YIPF6: variants seen among roughly 807,000 people sequenced by gnomAD.
YIPF6 encodes protein YIPF6.
A neutral mutation model predicts 16.8 loss-of-function variants in YIPF6; 3 were observed. The ratio of observed to expected loss-of-function variants is 0.18; its 90% CI spans 0.08 to 0.46. The LOEUF (loss-of-function observed/expected upper bound fraction) is 0.46, where lower values mean the gene tolerates loss of function less well. Ranked by LOEUF, YIPF6 falls within the 20% of genes least tolerant of loss-of-function variation. The pLI, the probability that YIPF6 is intolerant of heterozygous loss-of-function variation, is 0.98. For synonymous variants in YIPF6, 67 were observed against 61.9 expected, an observed-to-expected ratio of 1.08 and a Z score of -0.38; for missense variants, 145 against 184.9, an observed-to-expected ratio of 0.78 and a Z score of 1.25.
At chrX:68,524,502 A>T (rs891766143) in intron 6 of YIPF6, among the ~76,000 whole-genome samples, 16 of 104,831 alleles carry the variant, frequency 1.5e-4, no homozygotes, top group South Asian at 4.2e-4. Context: ...TTTGGCTAAA[A>T]ATATATATAT....
intron 1 of YIPF6, among the ~76,000 whole-genome samples, chrX:68,500,462 C>CTA (rs1350835188): frequency 9.0e-6 from 1 of 110,784 alleles, no homozygotes; most frequent in Admixed American, 9.6e-5. Context: ...ATTACAGGCG[C>CTA]CTGCCACTAC....
At chrX:68,515,751 C>T (rs1271478345) in intron 3 of YIPF6, among the ~76,000 whole-genome samples, 1 of 110,650 alleles carries the variant, frequency 9.0e-6, no homozygotes, top group Non-Finnish European at 1.9e-5. Flanking sequence ...TCACTGTGGC[C>T]TCAAACTTCT....
chrX:68,520,295 C>A (rs986203028), intron 4 of YIPF6, among the ~76,000 whole-genome samples: 1 of 112,246 alleles, frequency 8.9e-6, no homozygotes, highest in Non-Finnish European at 1.9e-5. Context: ...TTGGTAATAA[C>A]ACCAAGTCCA....
intron 1 of YIPF6, among the ~76,000 whole-genome samples, chrX:68,505,658 T>G (rs922209934): frequency 8.9e-6 from 1 of 112,207 alleles, no homozygotes; most frequent in South Asian, 3.7e-4. Flanking sequence ...ATTTTTAAAT[T>G]TTATTACAGA....
chrX:68,506,015 T>C (rs776561016), intron 1 of YIPF6, among the ~76,000 whole-genome samples: 1 of 111,415 alleles, frequency 9.0e-6, no homozygotes, highest in African/African-American at 3.3e-5. Context: ...TTGCATTTAG[T>C]TGTTATTTTT....
chrX:68,503,136 G>T (rs2079046929), intron 1 of YIPF6, among the ~76,000 whole-genome samples: 1 of 112,016 alleles, frequency 8.9e-6, no homozygotes, highest in African/African-American at 3.2e-5. Context: ...CATGCCACTG[G>T]CTACCCCGTC....
At chrX:68,500,552 T>A (rs1241197622) in intron 1 of YIPF6, among the ~76,000 whole-genome samples, 1 of 111,313 alleles carries the variant, frequency 9.0e-6, no homozygotes, top group African/African-American at 3.3e-5. Flanking sequence ...TGACGTCAGG[T>A]GATCTGCCCG....
chrX:68,532,380 T>G lies in YIPF6; in HGVS notation c.*381T>G, dbSNP rs2079174902. The G allele has an allele frequency of 8.3e-6, 1 of 120,370 alleles. No homozygotes were observed. Among genetic ancestry groups the G allele is most frequent in the Non-Finnish European group, 1.7e-5 (1 of 59,157 alleles). 9.9% of individuals were successfully genotyped at this position (120,370 alleles called of 1,213,427 possible). Reference sequence around the variant, plus strand: ...CTATTTTCAGTTTTGAGAATACCAGTTCAGGTGCAGCTCTTAAACACATTG... The same window carrying G: ...CTATTTTCAGTTTTGAGAATACCAGGTCAGGTGCAGCTCTTAAACACATTG... On this transcript the variant is annotated 3_prime_UTR_variant, in exon 7 of 7. Coordinates refer to ENST00000462683, the MANE Select transcript of YIPF6 (RefSeq NM_173834.4).
In YIPF6 at chrX:68,536,482, T is replaced by C. The variant is rs953369831; in HGVS notation, c.*4483T>C. 9.0e-6 allele frequency: 1 copy of C among 111,297 alleles called. No individual in the cohort carries two copies. The highest frequency in any genetic ancestry group is 9.5e-5 in the Admixed American group (1 of 10,497). The allele number at this position is 111,297 out of a possible 1,213,427, so 9.2% of individuals were successfully genotyped here. On this transcript the variant is annotated 3_prime_UTR_variant, in exon 7 of 7. Transcript: ENST00000462683. ...CACAATTTTGAATTCCATTTTTATG[T>C]ACCTGAAATGAATACACCCCTCCCC...
At position 68,512,001 on chromosome X, in the gene YIPF6, C is replaced by G. The variant is rs992841939; in HGVS notation, c.186+24C>G. 5.9e-6 allele frequency: 7 copies of G among 1,190,283 alleles called. No individual in the cohort carries two copies. The Admixed American group carries it at 1.6e-4, about 28-fold the overall frequency. On this transcript the variant is annotated intron_variant, in intron 2 of 6. Transcript: ENST00000462683. ...TCGTAAGTTAGACTAGTTGAGAGAA[C>G]TTCTGTTCAGTATCATGGGACTAAG...
At chrX:68,510,423 A>G (rs1476263615) in intron 1 of YIPF6, among the ~76,000 whole-genome samples, 1 of 110,226 alleles carries the variant, frequency 9.1e-6, no homozygotes, top group Non-Finnish European at 1.9e-5. Flanking sequence ...TATTGAAAAA[A>G]GCCTAGTTTC....
chrX:68,499,241 TTG>T, intron 1 of YIPF6, 118 bp downstream of exon 1: 1 of 949,672 alleles, frequency 1.1e-6, no homozygotes, highest in Non-Finnish European at 1.4e-6. Flanking sequence ...CAGGCCCTTC[TTG>T]TACCCGATGC....
intron 6 of YIPF6, among the ~76,000 whole-genome samples, chrX:68,529,757 G>T (rs1276991037): frequency 9.0e-6 from 1 of 111,635 alleles, no homozygotes; most frequent in African/African-American, 3.3e-5. Flanking sequence ...GCTTAAGTTT[G>T]CTGGAGGTCC....
intron 4 of YIPF6, among the ~76,000 whole-genome samples, chrX:68,520,179 C>T (rs138076666): frequency 8.9e-6 from 1 of 112,459 alleles, no homozygotes; most frequent in African/African-American, 3.2e-5. Flanking sequence ...AATACAAAAG[C>T]CTGTGCATAC....
rs903356056 is a variant in YIPF6 at position 68,537,016 on chromosome X, G to T, written c.*5017G>T. On this transcript the variant is annotated 3_prime_UTR_variant, in exon 7 of 7. Transcript: ENST00000462683. The stretch of plus-strand genomic sequence containing the variant: ...TGCCTTTCTATTTGGGTTAAACTAT[G>T]TGGGAGGAAAAAGTAACAGAGTAAA... The T allele has an allele frequency of 1.3e-4, 14 of 111,845 alleles. 1 individual carries two copies. Among genetic ancestry groups the T allele is most frequent in the African/African-American group, 4.5e-4 (14 of 30,861 alleles). 9.2% of individuals were successfully genotyped at this position (111,845 alleles called of 1,213,427 possible). A position where few individuals can be genotyped will look rare whatever the true frequency, so the allele number is the denominator to read the frequency against.
chrX:68,509,594 ATAGTC>A (rs1373660140), intron 1 of YIPF6, among the ~76,000 whole-genome samples: 1 of 111,253 alleles, frequency 9.0e-6, no homozygotes, highest in Non-Finnish European at 1.9e-5. Flanking sequence ...CTTTGTTTTC[ATAGTC>A]TAGTCTCTGC....
chrX:68,528,446 C>T (rs1458049461), intron 6 of YIPF6, among the ~76,000 whole-genome samples: 1 of 111,747 alleles, frequency 8.9e-6, no homozygotes, highest in Non-Finnish European at 1.9e-5. Flanking sequence ...ATTTGCCAGT[C>T]TGTGTCTTTT....
At position 68,499,096 on chromosome X, in the gene YIPF6, C is replaced by A; in HGVS notation, c.30C>A (p.Asp10Glu). 1 of 1,188,777 alleles carries A rather than the reference C, an allele frequency of 8.4e-7. No individual in the cohort carries two copies. Among genetic ancestry groups the A allele is most frequent in the Non-Finnish European group, 1.1e-6 (1 of 883,818 alleles). The change falls in exon 1 of 7, where the codon GAC (aspartate) becomes GAA (glutamate). Residue 10 changes from aspartate to glutamate, a missense_variant. Transcript: ENST00000462683. The part of the protein sequence containing the change: MAEAEESPG[D>E]PGTASPRPLF... ...CGGAAGCGGAGGAGTCTCCAGGAGA[C>A]CCGGGGACAGCATCGCCCAGGCCCC... is the stretch of plus-strand genomic sequence containing the variant.
At chrX:68,504,413 A>C (rs950667027) in intron 1 of YIPF6, among the ~76,000 whole-genome samples, 4 of 111,434 alleles carry the variant, frequency 3.6e-5, no homozygotes, top group Non-Finnish European at 7.5e-5. Context: ...ACCTCTAGTC[A>C]TATGTGCGGT....
Sources: allele counts gnomAD v4.1 joint callset (sites outside exome capture counted in the v4.1 genomes callset), GRCh38; gene constraint gnomAD v4.1.1; transcripts MANE v1.5; gene names NCBI Gene and HGNC (gene_info 2026-07-23, HGNC 2026-07-21).